The following PLEKHH2 variants were observed in gnomAD, a reference collection of about 807,000 sequenced individuals.
PLEKHH2 encodes pleckstrin homology, MyTH4 and FERM domain containing H2, also known as pleckstrin homology domain-containing family H member 2.
In PLEKHH2, 129 loss-of-function variants were observed where a neutral mutation model predicts 187.9. The observed-to-expected ratio is 0.69, with a 90% CI of 0.59 to 0.79. PLEKHH2 has a LOEUF of 0.79. Ranked by LOEUF, PLEKHH2 falls within the 30% of genes least tolerant of loss-of-function variation. PLEKHH2 has a pLI of 0.00. For synonymous variants in PLEKHH2, 686 were observed against 605.6 expected, an observed-to-expected ratio of 1.13 and a Z score of -1.95; for missense variants, 2,076 against 1,751.2, an observed-to-expected ratio of 1.19 and a Z score of -3.31.
chr2:43,699,521 G>C, intron 7 of PLEKHH2, 126 bp from the exon 8 acceptor site: 5 of 1,175,618 alleles, frequency 4.3e-6, no homozygotes, highest in Non-Finnish European at 6.0e-6. Flanking sequence ...GGGACTACAG[G>C]TACACACCAC....
intron 2 of PLEKHH2, among the ~76,000 whole-genome samples, chr2:43,667,180 G>C (rs35170592): frequency 0.05 from 7,573 of 152,126 alleles, 299 homozygotes; most frequent in African/African-American, 0.11. Flanking sequence ...ATGTCATGTG[G>C]CTATTTCTTC....
intron 8 of PLEKHH2, among the ~76,000 whole-genome samples, chr2:43,703,291 A>G (rs1669479389): frequency 6.6e-6 from 1 of 152,216 alleles, no homozygotes; most frequent in Admixed American, 6.5e-5. Flanking sequence ...AGGGCTAGTA[A>G]CCTGTCCAGT....
At chr2:43,652,052 C>T (rs969116413) in intron 2 of PLEKHH2, among the ~76,000 whole-genome samples, 1 of 152,156 alleles carries the variant, frequency 6.6e-6, no homozygotes, top group Non-Finnish European at 1.5e-5. Context: ...AGCAGTCAAT[C>T]TTTTCTTTAG....
chr2:43,669,556 T>A (rs1002958295), intron 2 of PLEKHH2, among the ~76,000 whole-genome samples: 3 of 152,062 alleles, frequency 2.0e-5, no homozygotes, highest in African/African-American at 4.8e-5. Flanking sequence ...GAATCATAAT[T>A]AGAAAAAAAT....
At chr2:43,761,094 C>A (rs917578816) in intron 27 of PLEKHH2, among the ~76,000 whole-genome samples, 7 of 152,182 alleles carry the variant, frequency 4.6e-5, no homozygotes, top group African/African-American at 1.4e-4. Context: ...TTCTCCCTAT[C>A]CTTTGCAAAT....
At chr2:43,652,525 C>A (rs1666531297) in intron 2 of PLEKHH2, among the ~76,000 whole-genome samples, 1 of 152,138 alleles carries the variant, frequency 6.6e-6, no homozygotes. Flanking sequence ...ATGCTAGCAG[C>A]CACCCTTTAT....
At chr2:43,679,764 A>G (rs1668072294) in intron 3 of PLEKHH2, 2 of 154,904 alleles carry the variant, frequency 1.3e-5, no homozygotes, top group Middle Eastern at 3.3e-3. Context: ...TGCTGGGATT[A>G]CAGGTATGAG....
chr2:43,726,210 A>T (rs1230385325), intron 16 of PLEKHH2, 62 bp from the exon 17 acceptor site: 6 of 1,140,746 alleles, frequency 5.3e-6, no homozygotes, highest in Non-Finnish European at 6.3e-6. Context: ...AGGACTATGA[A>T]ATGTTTTAGT....
rs531716511 is a variant in PLEKHH2 at position 43,740,923 on chromosome 2, C to G, written c.3124-23C>G. ...CTCTGACTGGCACGTGGTATCTAAC[C>G]TGTGGTGCTTCTCCCTGCCCAGGGC... is the stretch of plus-strand genomic sequence containing the variant. On this transcript the variant is annotated intron_variant, in intron 20 of 29. Coordinates refer to ENST00000282406, the MANE Select transcript of PLEKHH2 (RefSeq NM_172069.4). 5.0e-6 allele frequency: 8 copies of G among 1,611,430 alleles called. No homozygotes were observed. In the South Asian group the frequency reaches 7.7e-5, roughly 16 times the overall value.
Position 43,753,743 on chromosome 2 carries a change from G to T in PLEKHH2, c.3778G>T (p.Ala1260Ser), listed in dbSNP as rs765622954. 1.9e-6 allele frequency: 3 copies of T among 1,572,710 alleles called. No homozygotes were observed. The highest frequency in any genetic ancestry group is 2.6e-6 in the Non-Finnish European group (3 of 1,163,524). The change falls in exon 25 of 30, where the codon GCA (alanine) becomes TCA (serine). Residue 1260 changes from alanine (A) to serine (S), a missense_variant. Physicochemically the swap from Ala to Ser is moderately conservative, Grantham distance 99. Coordinates refer to ENST00000282406, the MANE Select transcript of PLEKHH2 (RefSeq NM_172069.4). ...PLNKDLALEM[A>S]ALLSQVEIGD... ...GAACAAAGATCTGGCATTAGAAATG[G>T]CAGCTCTTTTATCTCAGGTAACTTC...
intron 1 of PLEKHH2, among the ~76,000 whole-genome samples, chr2:43,640,815 C>T (rs1401163008): frequency 2.0e-5 from 3 of 151,264 alleles, no homozygotes; most frequent in Non-Finnish European, 4.4e-5. Context: ...ATCGGGGTCT[C>T]CCTCTGTCGC....
chr2:43,679,001 A>T, intron 3 of PLEKHH2, 76 bp downstream of exon 3: 1 of 971,286 alleles, frequency 1.0e-6, no homozygotes, highest in African/African-American at 1.6e-5. Flanking sequence ...TAATGGAAAG[A>T]CAATTATCAG....
Position 43,675,867 on chromosome 2 carries a change from T to C in PLEKHH2, c.124-2996T>C, listed in dbSNP as rs1278138303. 5.0e-6 allele frequency: 8 copies of C among 1,614,106 alleles called. No homozygotes were observed. The East Asian group carries it at 1.8e-4, about 36-fold the overall frequency. On this transcript the variant is annotated intron_variant, in intron 2 of 29. Transcript: ENST00000282406. ...CATCCCTTGTAAACAAAAGGTACTT[T>C]AAATTTTCAATGACAGCAAACGTAG...
At chr2:43,659,571 C>CT (rs111878541) in intron 2 of PLEKHH2, among the ~76,000 whole-genome samples, 2,524 of 138,032 alleles carry the variant, frequency 0.018, 58 homozygotes, top group African/African-American at 0.056. Context: ...TTGCAAGGCA[C>CT]TTTTTTTTTT....
chr2:43,719,694 C>T (rs1670387602), intron 15 of PLEKHH2, among the ~76,000 whole-genome samples: 1 of 152,240 alleles, frequency 6.6e-6, no homozygotes, highest in Non-Finnish European at 1.5e-5. Context: ...CCGCCTCGGC[C>T]TCCAAAGTCC....
intron 10 of PLEKHH2, 126 bp from the exon 11 acceptor site, chr2:43,707,275 T>G: frequency 1.0e-6 from 1 of 971,812 alleles, no homozygotes; most frequent in Non-Finnish European, 1.6e-6. Context: ...GTGATAACCT[T>G]AGGGATGGAT....
chr2:43,699,541 C>A (rs547613577), intron 7 of PLEKHH2, 106 bp from the exon 8 acceptor site: 203 of 1,396,200 alleles, frequency 1.5e-4, no homozygotes, highest in Admixed American at 3.8e-4. Context: ...CTGCACCCAG[C>A]AAATTTCTAC....
chr2:43,728,694 T>A (rs574531650), intron 17 of PLEKHH2, among the ~76,000 whole-genome samples: 1 of 151,308 alleles, frequency 6.6e-6, no homozygotes, highest in South Asian at 2.1e-4. Flanking sequence ...CCCGAACAGC[T>A]GGGACTACAG....
rs189101105 is a variant in PLEKHH2, at chr2:43,677,188, A to T, written c.124-1675A>T. Among the ~76,000 whole-genome samples the T allele has an allele frequency of 2.7e-3, 403 of 151,414 alleles. 4 individuals are homozygous for T. The highest frequency in any genetic ancestry group is 4.9e-3 in the Non-Finnish European group (333 of 67,874). On this transcript the variant is annotated intron_variant, in intron 2 of 29. Coordinates refer to ENST00000282406, the MANE Select transcript of PLEKHH2 (RefSeq NM_172069.4). ...GAACTAGTTTAAAATATCCAAACTG[A>T]TGATGACTTTATGAGTTTTTTTTTT... is the stretch of plus-strand genomic sequence containing the variant.
Sources: allele counts gnomAD v4.1 joint callset (sites outside exome capture counted in the v4.1 genomes callset), GRCh38; gene constraint gnomAD v4.1.1; transcripts MANE v1.5; gene names NCBI Gene and HGNC (gene_info 2026-07-23, HGNC 2026-07-21).